The following CAMK2G variants were observed in gnomAD, a reference collection of about 807,000 sequenced individuals.
CAMK2G encodes calcium/calmodulin dependent protein kinase II gamma, also known as calcium/calmodulin-dependent protein kinase type II subunit gamma.
A neutral mutation model predicts 88.7 loss-of-function variants in CAMK2G; 23 were observed. That is an observed-to-expected ratio of 0.26 (90% confidence interval 0.19 to 0.37). The LOEUF is 0.37. Ranked by LOEUF, CAMK2G falls within the 10% of genes least tolerant of loss-of-function variation. The pLI is 1.00. For missense variants in CAMK2G, 476 were observed against 780.8 expected (o/e 0.61, Z 4.65); for synonymous variants, 263 against 294.8 (o/e 0.89, Z 1.11).
intron 3 of CAMK2G, among the ~76,000 whole-genome samples, chr10:73,853,774 G>A (rs2094819687): frequency 6.6e-6 from 1 of 152,196 alleles, no homozygotes; most frequent in Non-Finnish European, 1.5e-5. Flanking sequence ...CACACATTCA[G>A]GCAATGACAA....
chr10:73,866,054 G>A (rs902967598), intron 2 of CAMK2G, among the ~76,000 whole-genome samples: 4 of 152,196 alleles, frequency 2.6e-5, no homozygotes, highest in African/African-American at 9.7e-5. Flanking sequence ...GGAGCAGAAA[G>A]CAGAAGCAGC....
chr10:73,867,124 G>A (rs1252714039), intron 2 of CAMK2G, among the ~76,000 whole-genome samples: 1 of 152,194 alleles, frequency 6.6e-6, no homozygotes, highest in Non-Finnish European at 1.5e-5. Flanking sequence ...CCAAGGCTCT[G>A]TGCATGTACC....
chr10:73,820,726 G>A (rs2133352908), intron 18 of CAMK2G, among the ~76,000 whole-genome samples: 1 of 138,134 alleles, frequency 7.2e-6, no homozygotes, highest in East Asian at 2.2e-4. Flanking sequence ...AGGCTGGAGT[G>A]CAATGGGGTG....
chr10:73,862,297 AC>A (rs111889953), intron 2 of CAMK2G, among the ~76,000 whole-genome samples: 7,428 of 75,494 alleles, frequency 0.098, 457 homozygotes, highest in Non-Finnish European at 0.13. Context: ...CTCCTACTCC[AC>A]CCCCCCCCCC....
At chr10:73,820,511 T>C (rs1394044071) in intron 18 of CAMK2G, among the ~76,000 whole-genome samples, 3 of 125,560 alleles carry the variant, frequency 2.4e-5, no homozygotes, top group African/African-American at 9.4e-5. Context: ...TTTTTTTTTT[T>C]CTTGAGACAG....
At chr10:73,847,164 G>A (rs2094307632) in intron 10 of CAMK2G, 61 bp downstream of exon 10, 4 of 1,573,604 alleles carry the variant, frequency 2.5e-6, no homozygotes, top group Non-Finnish European at 3.5e-6. Flanking sequence ...AGGGGGTGGT[G>A]CCGAGGGCAC....
intron 10 of CAMK2G, among the ~76,000 whole-genome samples, chr10:73,845,252 G>A (rs1230124660): frequency 6.6e-6 from 1 of 152,050 alleles, no homozygotes; most frequent in Non-Finnish European, 1.5e-5. Flanking sequence ...GAATGTGTCT[G>A]GCTGGAGGTT....
intron 19 of CAMK2G, chr10:73,818,870 A>G: frequency 6.6e-6 from 3 of 455,830 alleles, no homozygotes; most frequent in Non-Finnish European, 1.3e-5. Flanking sequence ...AGCAGCAGAC[A>G]AAGGCATCCT....
chr10:73,842,435 G>A lies in CAMK2G; in HGVS notation c.903+23C>T, dbSNP rs1400407893. 6.4e-7 allele frequency: 1 copy of A among 1,564,142 alleles called. No individual in the cohort carries two copies. Among genetic ancestry groups the A allele is most frequent in the Non-Finnish European group, 8.8e-7 (1 of 1,134,518 alleles). On this transcript the variant is annotated intron_variant, in intron 11 of 22. Coordinates refer to ENST00000423381, the MANE Select transcript of CAMK2G (RefSeq NM_001367534.1). This position sits in a 1 kb window ranked among gnomAD's most constrained non-coding sequence, Gnocchi z 4.6. ...TGCAAGGCATGATGTCAAGGAGGCT[G>A]GCAGCCTAGAAACGACACTCACCTT...
rs775942474 is a variant in CAMK2G at position 73,852,246 on chromosome 10, C to T, written c.341+8G>A. On this transcript the variant is annotated splice_region_variant and intron_variant, in intron 5 of 22. Coordinates refer to ENST00000423381, the MANE Select transcript of CAMK2G (RefSeq NM_001367534.1). ...AGCTACATTTGAACTCTCGGGCCCTCATCCTACCTGGCATCTGCTTCACTG... is the reference window on the plus strand; with the variant it reads ...AGCTACATTTGAACTCTCGGGCCCTTATCCTACCTGGCATCTGCTTCACTG... The T allele has an allele frequency of 3.1e-6, 5 of 1,612,324 alleles. No homozygotes were observed. In the Admixed American group the frequency reaches 6.7e-5, roughly 21 times the overall value.
chr10:73,827,190 GTTTA>G (rs937880009), intron 15 of CAMK2G, among the ~76,000 whole-genome samples: 6 of 152,160 alleles, frequency 3.9e-5, no homozygotes, highest in African/African-American at 4.8e-5. Context: ...CCCACCTCTG[GTTTA>G]TTTATTTTTT....
chr10:73,815,030 G>A lies in CAMK2G; in HGVS notation c.1752C>T (p.Ala584=), dbSNP rs528264294. Residue 584 remains alanine (A), a synonymous_variant, in exon 22 of 23, where the codon GCC becomes GCT. Transcript: ENST00000423381. ...GTGGCTGAGCTCACTGCAGCGGTGC[G>A]GCAGGGGCCCCTGAGCAGTGATAGT... ...NVHYHCSGAP[A]APLQ The A allele has an allele frequency of 8.1e-6, 13 of 1,612,852 alleles. No homozygotes were observed. The highest frequency in any genetic ancestry group is 6.7e-5 in the African/African-American group (5 of 75,020).
intron 14 of CAMK2G, among the ~76,000 whole-genome samples, chr10:73,835,463 ATT>A (rs777685745): frequency 2.1e-5 from 3 of 139,976 alleles, no homozygotes; most frequent in African/African-American, 5.3e-5. Context: ...TGCCCAGTTA[ATT>A]TTTTTTTTTT....
At chr10:73,814,949 G>A (rs2084935232) in intron 22 of CAMK2G, 54 bp downstream of exon 22, 4 of 1,259,744 alleles carry the variant, frequency 3.2e-6, no homozygotes, top group Non-Finnish European at 4.5e-6. Context: ...TTCTTCCTCT[G>A]ACCCCACCTA....
chr10:73,855,799 A>C (rs1314326392), intron 3 of CAMK2G, among the ~76,000 whole-genome samples: 1 of 152,254 alleles, frequency 6.6e-6, no homozygotes, highest in Non-Finnish European at 1.5e-5. Context: ...TGCCAAGACA[A>C]GGAGGGATGG....
intron 14 of CAMK2G, among the ~76,000 whole-genome samples, chr10:73,831,332 G>A (rs1453713054): frequency 1.3e-5 from 2 of 152,040 alleles, no homozygotes; most frequent in Admixed American, 6.5e-5. Flanking sequence ...AAGGTCAGGA[G>A]ATCGAGACCA....
chr10:73,835,161 C>A (rs758637932), intron 14 of CAMK2G, among the ~76,000 whole-genome samples: 2 of 152,204 alleles, frequency 1.3e-5, no homozygotes, highest in Non-Finnish European at 2.9e-5. Context: ...GCTCCCCCAG[C>A]ACCTGCCAGG....
At chr10:73,857,102 A>G (rs1193711751) in intron 3 of CAMK2G, among the ~76,000 whole-genome samples, 1 of 152,144 alleles carries the variant, frequency 6.6e-6, no homozygotes, top group Non-Finnish European at 1.5e-5. Flanking sequence ...GGGATGTAGG[A>G]ACTGCTCAGT....
intron 13 of CAMK2G, among the ~76,000 whole-genome samples, chr10:73,838,334 C>G (rs2093447504): frequency 6.6e-6 from 1 of 152,186 alleles, no homozygotes; most frequent in Admixed American, 6.5e-5. Context: ...GACTGCCTGC[C>G]CTGGGTCTGT....
Sources: allele counts gnomAD v4.1 joint callset (sites outside exome capture counted in the v4.1 genomes callset), GRCh38; gene constraint gnomAD v4.1.1; non-coding constraint Gnocchi (gnomAD v3.1); transcripts MANE v1.5; gene names NCBI Gene and HGNC (gene_info 2026-07-23, HGNC 2026-07-21).